Variants in SCHIP1 observed in about 807,000 individuals in gnomAD.
SCHIP1 encodes the protein schwannomin-interacting protein 1.
SCHIP1 carries 8 observed loss-of-function variants against 29.7 expected under a neutral mutation model. That is an observed-to-expected ratio of 0.27 (90% CI 0.16 to 0.49). The LOEUF is 0.49. Ranked by LOEUF, SCHIP1 falls within the 20% of genes least tolerant of loss-of-function variation. The probability of loss-of-function intolerance (pLI) is 0.99; values close to 1 mark genes in which losing one functional copy is unlikely to be tolerated. For missense variants in SCHIP1, 193 were observed against 294.6 expected (o/e 0.66, Z 2.52); for synonymous variants, 76 against 94.9 (o/e 0.80, Z 1.16).
At chr3:159,497,785 G>A in the SCHIP1 span, among the ~76,000 whole-genome samples, 3 of 152,074 alleles carry the variant, frequency 2.0e-5, no homozygotes, top group Admixed American at 6.6e-5. Flanking sequence ...GCAGAAATTA[G>A]TTTAGTTTGC....
At chr3:159,626,188 A>C in the SCHIP1 span, among the ~76,000 whole-genome samples, 1 of 117,352 alleles carries the variant, frequency 8.5e-6, no homozygotes, top group African/African-American at 5.6e-5. Flanking sequence ...ATCTAGATAG[A>C]TAGATAGATA....
the SCHIP1 span, among the ~76,000 whole-genome samples, chr3:159,699,422 G>A: frequency 1.1e-4 from 16 of 152,178 alleles, no homozygotes; most frequent in East Asian, 1.9e-4. Flanking sequence ...GTCTCTCTCC[G>A]AGGGTTGGAG....
chr3:159,528,708 G>C, the SCHIP1 span, among the ~76,000 whole-genome samples: 25 of 152,296 alleles, frequency 1.6e-4, no homozygotes, highest in African/African-American at 5.3e-4. Context: ...CAAGCACAAG[G>C]GTTTGGGCAG....
At chr3:159,483,023 A>G in the SCHIP1 span, among the ~76,000 whole-genome samples, 1 of 152,158 alleles carries the variant, frequency 6.6e-6, no homozygotes, top group Admixed American at 6.6e-5. Flanking sequence ...AAACCAATAT[A>G]TATCTTATCA....
the SCHIP1 span, among the ~76,000 whole-genome samples, chr3:159,589,860 CA>C: frequency 0.2 from 31,090 of 151,750 alleles, 8,653 homozygotes; most frequent in African/African-American, 0.63. Context: ...ACAAGTGAAC[CA>C]AAAAACCTTC....
At chr3:159,308,783 T>C in the SCHIP1 span, among the ~76,000 whole-genome samples, 3 of 152,086 alleles carry the variant, frequency 2.0e-5, no homozygotes, top group African/African-American at 7.2e-5. Context: ...CAATGGTAGA[T>C]TGGATAAAGA....
chr3:159,621,305 T>C, the SCHIP1 span, among the ~76,000 whole-genome samples: 2 of 152,302 alleles, frequency 1.3e-5, no homozygotes, highest in African/African-American at 4.8e-5. Context: ...AGTACCATAA[T>C]GGGAGGAAAT....
At chr3:159,554,020 T>TGTGTGTGTGTGTGTGTG in the SCHIP1 span, among the ~76,000 whole-genome samples, 5 of 66,676 alleles carry the variant, frequency 7.5e-5, no homozygotes, top group Admixed American at 6.1e-4. Context: ...GTGTGTGTGT[T>TGTGTGTGTGTGTGTGTG]TGTGTATGTG....
the SCHIP1 span, among the ~76,000 whole-genome samples, chr3:159,506,580 T>A: frequency 6.6e-6 from 1 of 152,256 alleles, no homozygotes; most frequent in African/African-American, 2.4e-5. Context: ...GGTTTTCTCC[T>A]AAGGTTTTTA....
At chr3:159,869,363 C>T (rs568104709) in intron 2 of SCHIP1, among the ~76,000 whole-genome samples, 23 of 151,952 alleles carry the variant, frequency 1.5e-4, no homozygotes, top group African/African-American at 5.3e-4. Context: ...TACCAAGAGT[C>T]GAAAGTGTTG....
chr3:159,815,594 C>T, the SCHIP1 span, among the ~76,000 whole-genome samples: 8 of 152,122 alleles, frequency 5.3e-5, no homozygotes, highest in African/African-American at 1.9e-4. Context: ...CATTTTAGAC[C>T]ACAGTTAAGT....
the SCHIP1 span, among the ~76,000 whole-genome samples, chr3:159,495,139 C>T: frequency 1.3e-5 from 2 of 152,194 alleles, no homozygotes; most frequent in African/African-American, 4.8e-5. Context: ...GACAAACCCA[C>T]AGCCAATATC....
the SCHIP1 span, among the ~76,000 whole-genome samples, chr3:159,468,187 G>C: frequency 1.3e-5 from 2 of 152,160 alleles, no homozygotes; most frequent in East Asian, 1.9e-4. Flanking sequence ...GTGTATAACA[G>C]ACTAATTTTT....
the SCHIP1 span, among the ~76,000 whole-genome samples, chr3:159,591,569 C>T: frequency 6.6e-6 from 1 of 152,128 alleles, no homozygotes; most frequent in African/African-American, 2.4e-5. Context: ...ACATATATGC[C>T]ATGGAATACT....
At chr3:159,680,705 T>TA in the SCHIP1 span, among the ~76,000 whole-genome samples, 1,509 of 5,484 alleles carry the variant, frequency 0.28, 138 homozygotes, top group Non-Finnish European at 0.29. Flanking sequence ...ATAATATATA[T>TA]TATATATAAT....
At chr3:159,757,666 C>T in the SCHIP1 span, among the ~76,000 whole-genome samples, 2 of 152,204 alleles carry the variant, frequency 1.3e-5, no homozygotes, top group African/African-American at 4.8e-5. Context: ...AAGGCTCAGA[C>T]AATTTCATAC....
the SCHIP1 span, chr3:159,764,814 C>T: frequency 6.3e-7 from 1 of 1,584,438 alleles, no homozygotes; most frequent in Non-Finnish European, 8.6e-7. The surrounding 1 kb of genome is among the most constrained non-coding windows in gnomAD (Gnocchi z 6.1). Context: ...CCATGCCGCC[C>T]CCGGTGCCCA....
the SCHIP1 span, among the ~76,000 whole-genome samples, chr3:159,344,766 A>T: frequency 1.1e-4 from 16 of 152,242 alleles, no homozygotes; most frequent in Non-Finnish European, 2.1e-4. Context: ...AAGCTAAGAA[A>T]GTCTGAATGA....
At chr3:159,872,756 AGACT>A (rs1247807996) in intron 2 of SCHIP1, among the ~76,000 whole-genome samples, 2 of 152,208 alleles carry the variant, frequency 1.3e-5, no homozygotes, top group South Asian at 2.1e-4. Context: ...AAGTTTGCAA[AGACT>A]GACTGTCATC....
Sources: gnomAD v4.1 joint callset for allele counts (sites outside exome capture counted in the v4.1 genomes callset) on GRCh38, gnomAD v4.1.1 for gene constraint, Gnocchi (gnomAD v3.1) non-coding constraint, MANE v1.5 for transcripts, NCBI Gene and HGNC (gene_info 2026-07-23, HGNC 2026-07-21) for gene names.